Variants in ARHGAP20 observed in about 807,000 individuals in gnomAD.
The protein encoded by ARHGAP20 is rho GTPase-activating protein 20.
A neutral mutation model predicts 73.7 loss-of-function variants in ARHGAP20; 34 were observed. The ratio of observed to expected loss-of-function variants is 0.46; its 90% CI spans 0.35 to 0.61. The LOEUF (loss-of-function observed/expected upper bound fraction) is 0.61, where lower values mean the gene tolerates loss of function less well. Among genes scored for constraint, ARHGAP20 ranks in the 20% least tolerant of loss-of-function variants. ARHGAP20 has a pLI of 0.00. For missense variants in ARHGAP20, 1,314 were observed against 1,420.9 expected (o/e 0.92, Z 1.21); for synonymous variants, 523 against 518.2 (o/e 1.01, Z -0.13).
chr11:110,630,500 A>G, intron 3 of ARHGAP20, 128 bp downstream of exon 3: 2 of 1,013,172 alleles, frequency 2.0e-6, no homozygotes, highest in Non-Finnish European at 2.9e-6. Flanking sequence ...AGGGCATAAA[A>G]TCACTTTAGA....
chr11:110,602,639 A>AG (rs1948137587), intron 9 of ARHGAP20, among the ~76,000 whole-genome samples: 1 of 152,222 alleles, frequency 6.6e-6, no homozygotes, highest in South Asian at 2.1e-4. Context: ...AGATTAAGAA[A>AG]GGGGTCCAGA....
chr11:110,587,291 G>A (rs1486588321), intron 11 of ARHGAP20, among the ~76,000 whole-genome samples: 2 of 152,174 alleles, frequency 1.3e-5, no homozygotes, highest in Non-Finnish European at 2.9e-5. Context: ...TTTAGGCAGA[G>A]TAAACTCAAT....
intron 1 of ARHGAP20, among the ~76,000 whole-genome samples, chr11:110,698,173 A>G (rs1357721403): frequency 1.3e-5 from 2 of 151,828 alleles, no homozygotes; most frequent in African/African-American, 4.8e-5. Context: ...ATCTATTAAG[A>G]TGACTGTATG....
At chr11:110,654,922 A>T (rs1031632084) in intron 2 of ARHGAP20, among the ~76,000 whole-genome samples, 1 of 152,206 alleles carries the variant, frequency 6.6e-6, no homozygotes, top group Non-Finnish European at 1.5e-5. Flanking sequence ...TAAATCTTTA[A>T]GCAGAATACA....
intron 9 of ARHGAP20, among the ~76,000 whole-genome samples, chr11:110,594,629 A>C (rs1947908387): frequency 6.6e-6 from 1 of 152,190 alleles, no homozygotes; most frequent in South Asian, 2.1e-4. Flanking sequence ...CATTATTTAA[A>C]AAAACAAAAC....
At chr11:110,585,804 C>T (rs1442126784) in intron 12 of ARHGAP20, among the ~76,000 whole-genome samples, 1 of 152,126 alleles carries the variant, frequency 6.6e-6, no homozygotes, top group Non-Finnish European at 1.5e-5. Context: ...GATTGTACTG[C>T]ATTGTAATTC....
At chr11:110,663,954 A>C (rs1949668561) in intron 2 of ARHGAP20, among the ~76,000 whole-genome samples, 1 of 152,222 alleles carries the variant, frequency 6.6e-6, no homozygotes, top group African/African-American at 2.4e-5. Context: ...ATTAAAAATT[A>C]ATCAATATAA....
chr11:110,690,968 T>C, intron 1 of ARHGAP20: 1 of 1,503,418 alleles, frequency 6.7e-7, no homozygotes, highest in Non-Finnish European at 8.9e-7. Context: ...TGGACATGGA[T>C]TACCTTATTT....
chr11:110,629,049 AG>A (rs1034162010), intron 3 of ARHGAP20, among the ~76,000 whole-genome samples: 73 of 152,194 alleles, frequency 4.8e-4, no homozygotes, highest in African/African-American at 1.7e-3. Context: ...TATCCAAAAA[AG>A]GTGAAGGAAA....
At chr11:110,625,273 A>G (rs912521991) in intron 3 of ARHGAP20, among the ~76,000 whole-genome samples, 6 of 151,140 alleles carry the variant, frequency 4.0e-5, no homozygotes, top group African/African-American at 1.5e-4. Flanking sequence ...TCTTGACCTC[A>G]TGATCCACCC....
chr11:110,608,166 T>C (rs540850263), intron 8 of ARHGAP20, among the ~76,000 whole-genome samples: 1 of 152,290 alleles, frequency 6.6e-6, no homozygotes, highest in East Asian at 1.9e-4. Context: ...AAATAATGCA[T>C]ACAATATGCT....
chr11:110,648,154 A>AATATATATATATATGTAAAT (rs1164131662), intron 2 of ARHGAP20, among the ~76,000 whole-genome samples: 60 of 131,306 alleles, frequency 4.6e-4, no homozygotes, highest in Non-Finnish European at 7.4e-4. Flanking sequence ...TGATATATAT[A>AATATATATATATATGTAAAT]ATATATATAT....
At chr11:110,607,654 A>G (rs943535614) in intron 8 of ARHGAP20, among the ~76,000 whole-genome samples, 5 of 152,176 alleles carry the variant, frequency 3.3e-5, no homozygotes, top group African/African-American at 1.2e-4. Flanking sequence ...ATCAAGTACT[A>G]CAGCAGCTTC....
chr11:110,586,910 T>C (rs1352830263), intron 11 of ARHGAP20, among the ~76,000 whole-genome samples: 1 of 151,580 alleles, frequency 6.6e-6, no homozygotes, highest in African/African-American at 2.4e-5. Flanking sequence ...AGAAAGGCTC[T>C]CATATATTTG....
At chr11:110,670,527 G>C (rs1177774982) in intron 2 of ARHGAP20, among the ~76,000 whole-genome samples, 1 of 151,962 alleles carries the variant, frequency 6.6e-6, no homozygotes, top group African/African-American at 2.4e-5. Flanking sequence ...AGAAGAAACT[G>C]AATACTCACT....
chr11:110,625,385 T>C (rs1565445608), intron 3 of ARHGAP20, among the ~76,000 whole-genome samples: 1 of 152,106 alleles, frequency 6.6e-6, no homozygotes, highest in African/African-American at 2.4e-5. Context: ...AGAGATGCAC[T>C]AAAAAAACCC....
intron 2 of ARHGAP20, among the ~76,000 whole-genome samples, chr11:110,636,529 T>C (rs1382845541): frequency 2.0e-5 from 3 of 152,128 alleles, no homozygotes; most frequent in South Asian, 2.1e-4. Context: ...ATAAGTGGAC[T>C]GGTGCTGGTG....
At chr11:110,669,518 T>C (rs551303691) in intron 2 of ARHGAP20, among the ~76,000 whole-genome samples, 3 of 152,014 alleles carry the variant, frequency 2.0e-5, no homozygotes, top group Non-Finnish European at 4.4e-5. Flanking sequence ...ACTGGCTCTT[T>C]TTTTAAAGAT....
chr11:110,657,922 GGA>G lies in ARHGAP20; in HGVS notation c.189-27132_189-27131del, dbSNP rs1198546997. On this transcript the variant is annotated intron_variant, in intron 2 of 14. Transcript: ENST00000683387. ...AAAAAAAGAAAGAAAAAGAGAGAGA[GGA>G]AGGAAGGAAGGAAGGAAGGAAGGAA... 2.5e-4 allele frequency among the ~76,000 whole-genome samples: 12 copies of G among 47,162 alleles called. No individual in the cohort carries two copies. In the South Asian group the frequency reaches 5.6e-3, roughly 22 times the overall value. The allele number at this position is 47,162 out of a possible 152,430, so 30.9% of individuals were successfully genotyped here. A position where few individuals can be genotyped will look rare whatever the true frequency, so the allele number is the denominator to read the frequency against.
Sources: gnomAD v4.1 joint callset for allele counts (sites outside exome capture counted in the v4.1 genomes callset) on GRCh38, gnomAD v4.1.1 for gene constraint, MANE v1.5 for transcripts, NCBI Gene and HGNC (gene_info 2026-07-23, HGNC 2026-07-21) for gene names.